ZNF710: variants seen among roughly 807,000 people sequenced by gnomAD.
ZNF710 encodes the protein zinc finger protein 710.
ZNF710 carries 13 observed loss-of-function variants against 50.6 expected under a neutral mutation model. The ratio of observed to expected loss-of-function variants is 0.26; its 90% confidence interval spans 0.17 to 0.41. The LOEUF (loss-of-function observed/expected upper bound fraction) is 0.41, where lower values mean the gene tolerates loss of function less well. ZNF710 is among the 10% of genes least tolerant of loss of function. The pLI, the probability that ZNF710 is intolerant of heterozygous loss-of-function variation, is 1.00. For synonymous variants in ZNF710, 383 were observed against 397.0 expected, an observed-to-expected ratio of 0.96 and a Z score of 0.42; for missense variants, 721 against 936.6, an observed-to-expected ratio of 0.77 and a Z score of 3.01.
chr15:90,074,099 G>A lies in ZNF710; in HGVS notation c.1651-17G>A, dbSNP rs755310289. 27 of 1,605,566 alleles carry A rather than the reference G, an allele frequency of 1.7e-5. No homozygotes were observed. Among genetic ancestry groups the A allele is most frequent in the Middle Eastern group, 1.7e-4 (1 of 5,996 alleles). On this transcript the variant is annotated splice_polypyrimidine_tract_variant and intron_variant, in intron 3 of 4. Coordinates refer to ENST00000268154, the MANE Select transcript of ZNF710 (RefSeq NM_198526.4). ...AGGTTCCCCACAGGCTCAGGACACC[G>A]GGTTGATGTGTTCTAGGTGTGCGGG... is the stretch of plus-strand genomic sequence containing the variant.
At chr15:90,074,366 G>C in intron 4 of ZNF710, 76 bp downstream of exon 4, 1 of 1,591,770 alleles carries the variant, frequency 6.3e-7, no homozygotes, top group South Asian at 1.1e-5. Flanking sequence ...TGCCCAGTTA[G>C]AGGAGTGGGG....
chr15:90,029,612 T>G (rs1310589446), intron 1 of ZNF710, among the ~76,000 whole-genome samples: 1 of 151,724 alleles, frequency 6.6e-6, no homozygotes, highest in African/African-American at 2.4e-5. Context: ...ACAAAAAAAT[T>G]TTTTGTTCTG....
chr15:90,029,904 C>T (rs1384723477), intron 1 of ZNF710, among the ~76,000 whole-genome samples: 3 of 151,824 alleles, frequency 2.0e-5, no homozygotes, highest in East Asian at 2.0e-4. Context: ...CGTGACCCAC[C>T]GTGCCTGGCC....
At chr15:90,029,488 C>A (rs1378784093) in intron 1 of ZNF710, among the ~76,000 whole-genome samples, 1 of 152,142 alleles carries the variant, frequency 6.6e-6, no homozygotes, top group Non-Finnish European at 1.5e-5. Flanking sequence ...GATAATAGAC[C>A]AAGCATGGTG....
chr15:90,042,893 G>A lies in ZNF710; in HGVS notation c.-28-24217G>A, dbSNP rs778951246. On this transcript the variant is annotated intron_variant, in intron 1 of 4. Coordinates refer to ENST00000268154, the MANE Select transcript of ZNF710 (RefSeq NM_198526.4). ...CTAACTCAGGAAGGTGCTGGTCGGC[G>A]GTGACCCGTGATGTGAGAACACGCC... is the stretch of plus-strand genomic sequence containing the variant. Among the ~76,000 whole-genome samples, 19 of 152,322 alleles carry A rather than the reference G, an allele frequency of 1.2e-4. No individual in the cohort carries two copies. In the South Asian group the frequency reaches 1.5e-3, roughly 12 times the overall value.
At chr15:90,033,346 T>C (rs1899003621) in intron 1 of ZNF710, among the ~76,000 whole-genome samples, 1 of 152,100 alleles carries the variant, frequency 6.6e-6, no homozygotes, top group African/African-American at 2.4e-5. Flanking sequence ...ACTGGGGATG[T>C]TAAAGGTGGG....
chr15:90,068,526 C>T lies in ZNF710; in HGVS notation c.1389C>T (p.Phe463=), dbSNP rs778291134. Residue 463 remains phenylalanine, a synonymous_variant, in exon 2 of 5, where the codon TTC becomes TTT. Transcript: ENST00000268154. This position sits in a 1 kb window ranked among gnomAD's most constrained non-coding sequence, Gnocchi z 5.0. ...TCAAGCACCAGAACGTGCGACCCTT[C>T]GTGTGCACTGAATGCGGCATGGAGT... ...HMLKHQNVRP[F]VCTECGMEFS... 51 of 1,612,916 alleles carry T rather than the reference C, an allele frequency of 3.2e-5. No homozygotes were observed. Among genetic ancestry groups the T allele is most frequent in the Non-Finnish European group, 3.9e-5 (46 of 1,180,002 alleles).
At chr15:90,038,461 C>T (rs1020828830) in intron 1 of ZNF710, among the ~76,000 whole-genome samples, 3 of 152,200 alleles carry the variant, frequency 2.0e-5, no homozygotes, top group African/African-American at 7.2e-5. Flanking sequence ...AGACAGCCCA[C>T]CGTTAAGTAC....
At chr15:90,073,386 G>A (rs1044263554) in intron 3 of ZNF710, 124 bp downstream of exon 3, 16 of 1,126,152 alleles carry the variant, frequency 1.4e-5, no homozygotes, top group African/African-American at 1.1e-4. Context: ...AGCCCCGGCT[G>A]GGTGAAACTT....
At chr15:90,002,142 T>G (rs1898029884) in intron 1 of ZNF710, among the ~76,000 whole-genome samples, 1 of 150,512 alleles carries the variant, frequency 6.6e-6, no homozygotes, top group Admixed American at 6.6e-5. Context: ...GACTCAAAGT[T>G]TCACCCCCTC....
chr15:90,001,103 A>G (rs1046959518), upstream of ZNF710, among the ~76,000 whole-genome samples: 7 of 152,216 alleles, frequency 4.6e-5, no homozygotes, highest in Non-Finnish European at 8.8e-5. Context: ...AAGGAGGAAG[A>G]AGGAAGAAAA....
chr15:90,024,807 C>G (rs1898726641), intron 1 of ZNF710: 1 of 152,246 alleles, frequency 6.6e-6, no homozygotes, highest in Non-Finnish European at 1.5e-5. Context: ...TCCTGAGCTG[C>G]CGGTGTTGGG....
intron 4 of ZNF710, among the ~76,000 whole-genome samples, chr15:90,079,004 G>C (rs1900658702): frequency 1.3e-5 from 2 of 152,206 alleles, no homozygotes; most frequent in Non-Finnish European, 2.9e-5. Flanking sequence ...AACCTACCCT[G>C]AGTGTTTGTC....
intron 1 of ZNF710, among the ~76,000 whole-genome samples, chr15:90,041,765 G>A (rs971804051): frequency 1.3e-5 from 2 of 152,182 alleles, no homozygotes; most frequent in African/African-American, 4.8e-5. Flanking sequence ...CACAGGAGCT[G>A]GATGGCACAT....
Position 90,040,241 on chromosome 15 carries a change from T to C in ZNF710, c.-28-26869T>C, listed in dbSNP as rs1899257786. On this transcript the variant is annotated intron_variant, in intron 1 of 4. Transcript: ENST00000268154. The surrounding 1 kb of genome is among the most constrained non-coding windows in gnomAD (Gnocchi z 4.6). The stretch of plus-strand genomic sequence containing the variant: ...CTGCACGTAGATCATACCGCCTTTG[T>C]TGAGGAAGTCGTGTCTGAGGATCTG... Among the ~76,000 whole-genome samples, 1 of 152,172 alleles carries C rather than the reference T, an allele frequency of 6.6e-6. No homozygotes were observed. Among genetic ancestry groups the C allele is most frequent in the Non-Finnish European group, 1.5e-5 (1 of 68,026 alleles).
At chr15:90,043,229 AC>A (rs1254496824) in intron 1 of ZNF710, among the ~76,000 whole-genome samples, 6 of 152,072 alleles carry the variant, frequency 3.9e-5, no homozygotes, top group African/African-American at 1.4e-4. Context: ...CTCACTGAGA[AC>A]CCCCTCATCT....
At chr15:90,049,467 C>T (rs1899570508) in intron 1 of ZNF710, among the ~76,000 whole-genome samples, 1 of 152,186 alleles carries the variant, frequency 6.6e-6, no homozygotes, top group African/African-American at 2.4e-5. Flanking sequence ...ATAATCATCC[C>T]CTCTACTAAA....
intron 1 of ZNF710, among the ~76,000 whole-genome samples, chr15:90,064,681 T>G (rs917275160): frequency 6.6e-6 from 1 of 152,134 alleles, no homozygotes; most frequent in African/African-American, 2.4e-5. Flanking sequence ...AGAGATGAGG[T>G]TTCACCATGT....
chr15:90,009,139 C>T (rs148784251), intron 1 of ZNF710, among the ~76,000 whole-genome samples: 3 of 151,456 alleles, frequency 2.0e-5, no homozygotes, highest in African/African-American at 2.4e-5. Flanking sequence ...AATGCCATCC[C>T]GGACCCCATC....
Sources: gnomAD v4.1 joint callset for allele counts (sites outside exome capture counted in the v4.1 genomes callset) on GRCh38, gnomAD v4.1.1 for gene constraint, Gnocchi (gnomAD v3.1) non-coding constraint, MANE v1.5 for transcripts, NCBI Gene and HGNC (gene_info 2026-07-23, HGNC 2026-07-21) for gene names.